The following GSTO2 variants were observed in gnomAD, a reference collection of about 807,000 sequenced individuals.
GSTO2 encodes the protein glutathione S-transferase omega-2.
In GSTO2, 23 loss-of-function variants were observed where a neutral mutation model predicts 28.4. The ratio of observed to expected loss-of-function variants is 0.81; its 90% confidence interval spans 0.58 to 1.15. The LOEUF is 1.15. GSTO2 is among the 50% of genes most tolerant of loss of function. The pLI is 0.00. For missense variants in GSTO2, 298 were observed against 297.8 expected, an observed-to-expected ratio of 1.00 and a Z score of 0.00; for synonymous variants, 109 against 111.0, an observed-to-expected ratio of 0.98 and a Z score of 0.11.
intron 6 of GSTO2, among the ~76,000 whole-genome samples, chr10:104,298,278 C>T (rs1320094313): frequency 6.6e-6 from 1 of 152,146 alleles, no homozygotes; most frequent in African/African-American, 2.4e-5. Flanking sequence ...TGAAGCTGGA[C>T]GTGTGCGGAC....
chr10:104,273,471 A>C (rs1212066640), intron 1 of GSTO2, among the ~76,000 whole-genome samples: 3 of 152,244 alleles, frequency 2.0e-5, no homozygotes, highest in Non-Finnish European at 2.9e-5. Flanking sequence ...GAAGATTTGC[A>C]AAGATTCTTA....
chr10:104,293,352 C>T (rs1219069085), intron 5 of GSTO2, among the ~76,000 whole-genome samples: 2 of 152,178 alleles, frequency 1.3e-5, no homozygotes, highest in African/African-American at 4.8e-5. Context: ...GATATCAAGT[C>T]ATGGTATTCT....
At chr10:104,274,122 T>A (rs2011525220) in intron 1 of GSTO2, among the ~76,000 whole-genome samples, 1 of 152,208 alleles carries the variant, frequency 6.6e-6, no homozygotes, top group South Asian at 2.1e-4. Context: ...TGGCAATGTA[T>A]CCTTGGCAAC....
chr10:104,275,801 G>A (rs1435436458), intron 3 of GSTO2, among the ~76,000 whole-genome samples: 1 of 152,152 alleles, frequency 6.6e-6, no homozygotes, highest in Non-Finnish European at 1.5e-5. Context: ...TCGAGGGTAG[G>A]AACTCTGTCT....
At chr10:104,285,785 G>A (rs946775173) in intron 5 of GSTO2, 4 of 206,156 alleles carry the variant, frequency 1.9e-5, no homozygotes, top group African/African-American at 7.1e-5. Flanking sequence ...TTTTTAAACT[G>A]TTCTTTCTTC....
At chr10:104,291,474 C>A (rs183406866) in intron 5 of GSTO2, 3 of 151,148 alleles carry the variant, frequency 2.0e-5, no homozygotes, top group African/African-American at 7.4e-5. Context: ...TTGCTTCTCT[C>A]GCGAAAACTG....
intron 1 of GSTO2, among the ~76,000 whole-genome samples, chr10:104,271,177 G>A (rs778418529): frequency 4.6e-5 from 7 of 152,238 alleles, no homozygotes; most frequent in Non-Finnish European, 7.3e-5. Context: ...AAAGTATAGT[G>A]TTCAGAGGTA....
In GSTO2 at chr10:104,278,050, G is replaced by A; in HGVS notation, c.300G>A (p.Arg100=). The A allele has an allele frequency of 6.2e-7, 1 of 1,614,180 alleles. No homozygotes were observed. Among genetic ancestry groups the A allele is most frequent in the East Asian group, 2.2e-5 (1 of 44,872 alleles). Residue 100 remains arginine (R), a synonymous_variant, in exon 4 of 7, where the codon AGG becomes AGA. Transcript: ENST00000338595. The stretch of plus-strand genomic sequence containing the variant: ...ACCTGGATGATGCTTATCCAGGAAG[G>A]AAGCTGTTTCCATATGACCCTTATG... ...CEYLDDAYPG[R]KLFPYDPYER...
chr10:104,296,615 A>T (rs1395079546), intron 5 of GSTO2: 1 of 56,016 alleles, frequency 1.8e-5, no homozygotes, highest in African/African-American at 2.2e-4. Flanking sequence ...ACCCTATCTA[A>T]AAAAAAAAAA....
intron 5 of GSTO2, among the ~76,000 whole-genome samples, chr10:104,282,282 G>A (rs2012114467): frequency 2.0e-5 from 3 of 150,206 alleles, no homozygotes; most frequent in Admixed American, 2.0e-4. Flanking sequence ...GCTGAGCACA[G>A]TGGCTCATGT....
intron 3 of GSTO2, among the ~76,000 whole-genome samples, chr10:104,275,857 CAA>C (rs982946165): frequency 6.6e-6 from 1 of 152,102 alleles, no homozygotes; most frequent in African/African-American, 2.4e-5. Context: ...AGTGGATGCT[CAA>C]AAAACATCTG....
chr10:104,275,416 G>C, intron 3 of GSTO2, 82 bp downstream of exon 3: 1 of 1,295,742 alleles, frequency 7.7e-7, no homozygotes, highest in Non-Finnish European at 1.1e-6. Flanking sequence ...GGGGCGCCCT[G>C]CTCAGCTTTT....
Position 104,304,789 on chromosome 10 carries a change from G to A in GSTO2, c.*5505G>A, listed in dbSNP as rs2013352231. 1 of 152,168 alleles carries A rather than the reference G, an allele frequency of 6.6e-6. No individual in the cohort carries two copies. The highest frequency in any genetic ancestry group is 1.5e-5 in the Non-Finnish European group (1 of 68,050). The allele number at this position is 152,168 out of a possible 1,614,324, so 9.4% of individuals were successfully genotyped here. On this transcript the variant is annotated 3_prime_UTR_variant, in exon 7 of 7. Coordinates refer to ENST00000338595, the MANE Select transcript of GSTO2 (RefSeq NM_183239.2). ...GAGTTGTTTTCTGGTTGTTTCCTGT[G>A]TGCAGGTTTAATCTCAACCTGTGAT... is the stretch of plus-strand genomic sequence containing the variant.
intron 1 of GSTO2, among the ~76,000 whole-genome samples, chr10:104,269,485 T>C (rs904308751): frequency 3.3e-5 from 5 of 152,232 alleles, no homozygotes; most frequent in Admixed American, 3.3e-4. Flanking sequence ...GAACAGGTCT[T>C]TAAACCGCAT....
chr10:104,294,207 T>G (rs1381530367), intron 5 of GSTO2, among the ~76,000 whole-genome samples: 2 of 152,252 alleles, frequency 1.3e-5, no homozygotes, highest in African/African-American at 2.4e-5. Flanking sequence ...ATATTTAGTA[T>G]GTAGTGCACA....
At position 104,272,758 on chromosome 10, in the gene GSTO2, C is replaced by G. The variant is rs7913564; in HGVS notation, c.-231-1927C>G. Among the ~76,000 whole-genome samples, 3 of 151,548 alleles carry G rather than the reference C, an allele frequency of 2.0e-5. No homozygotes were observed. In the East Asian group the frequency reaches 5.8e-4, roughly 29 times the overall value. ...CCTCCTGAGTAGCTGGGACTACAGG[C>G]GCCTGCCACCGCGCCCGGCTAATTT... On this transcript the variant is annotated intron_variant, in intron 1 of 6. Transcript: ENST00000338595.
intron 5 of GSTO2, among the ~76,000 whole-genome samples, chr10:104,289,097 A>C (rs2012625947): frequency 6.6e-6 from 1 of 151,936 alleles, no homozygotes; most frequent in African/African-American, 2.4e-5. Flanking sequence ...GATTTGTTTT[A>C]GTTTTTGTTT....
At position 104,303,255 on chromosome 10, in the gene GSTO2, G is replaced by C. The variant is rs2013312219; in HGVS notation, c.*3971G>C. The C allele has an allele frequency of 6.6e-6, 1 of 152,194 alleles. No individual in the cohort carries two copies. Among genetic ancestry groups the C allele is most frequent in the African/African-American group, 2.4e-5 (1 of 41,448 alleles). The allele number at this position is 152,194 out of a possible 1,614,324, so 9.4% of individuals were successfully genotyped here. ...AAAGTTTAGAATTTTCTAGAGACTG[G>C]TTGTATGGTTGTGACCAAAATGCCA... On this transcript the variant is annotated 3_prime_UTR_variant, in exon 7 of 7. Transcript: ENST00000338595.
Position 104,274,790 on chromosome 10 carries a change from CA to C in GSTO2, c.-121del, listed in dbSNP as rs1312003130. On this transcript the variant is annotated 5_prime_UTR_variant, in exon 2 of 7. Coordinates refer to ENST00000338595, the MANE Select transcript of GSTO2 (RefSeq NM_183239.2). ...CGTGCCCCGCCAGAGCCCAGTAGTT[CA>C]AAAATTAAATTTGGGGCAAGGGGTG... The C allele has an allele frequency of 2.4e-6, 3 of 1,231,944 alleles. No homozygotes were observed. Among genetic ancestry groups the C allele is most frequent in the Non-Finnish European group, 3.5e-6 (3 of 862,646 alleles). 76.3% of individuals were successfully genotyped at this position (1,231,944 alleles called of 1,614,324 possible).
Sources: gnomAD v4.1 joint callset for allele counts (sites outside exome capture counted in the v4.1 genomes callset) on GRCh38, gnomAD v4.1.1 for gene constraint, MANE v1.5 for transcripts, NCBI Gene and HGNC (gene_info 2026-07-23, HGNC 2026-07-21) for gene names.